The following UGT2A2 variants were observed in gnomAD, a reference collection of about 807,000 sequenced individuals.
UGT2A2 encodes the protein UDP glucuronosyltransferase family 2 member A2.
A neutral mutation model predicts 50.7 loss-of-function variants in UGT2A2; 60 were observed. The observed-to-expected ratio is 1.18, with a 90% CI of 0.96 to 1.47. UGT2A2 has a LOEUF of 1.47. Among genes scored for constraint, UGT2A2 ranks in the 40% most tolerant of loss-of-function variants. The probability of loss-of-function intolerance (pLI) is 0.00; values close to 1 mark genes in which losing one functional copy is unlikely to be tolerated. For synonymous variants in UGT2A2, 242 were observed against 214.6 expected (o/e 1.13, Z -1.11); for missense variants, 762 against 634.0 (o/e 1.20, Z -2.17).
intron 1 of UGT2A2, among the ~76,000 whole-genome samples, chr4:69,636,969 G>A (rs1721745896): frequency 6.6e-6 from 1 of 152,066 alleles, no homozygotes; most frequent in Non-Finnish European, 1.5e-5. Flanking sequence ...GTTACTTTTT[G>A]TATGTCTCTT....
At chr4:69,638,184 G>A (rs557329503) in intron 1 of UGT2A2, among the ~76,000 whole-genome samples, 15 of 152,140 alleles carry the variant, frequency 9.9e-5, no homozygotes, top group African/African-American at 2.6e-4. Flanking sequence ...TTAGTGTCCC[G>A]AGTACTAAGA....
chr4:69,620,463 C>T (rs1720684072), intron 1 of UGT2A2, among the ~76,000 whole-genome samples: 1 of 151,756 alleles, frequency 6.6e-6, no homozygotes, highest in African/African-American at 2.4e-5. Context: ...CAAAACACTG[C>T]TCAAAGAAAT....
intron 1 of UGT2A2, chr4:69,635,639 C>T (rs1721636789): frequency 1.0e-5 from 2 of 199,642 alleles, no homozygotes; most frequent in African/African-American, 2.4e-5. Flanking sequence ...AGACCAGCCT[C>T]GCCAACATGG....
At chr4:69,616,721 A>G (rs557029027) in intron 1 of UGT2A2, among the ~76,000 whole-genome samples, 1 of 152,010 alleles carries the variant, frequency 6.6e-6, no homozygotes, top group South Asian at 2.1e-4. Flanking sequence ...GGGAGATAAG[A>G]AATGGAAAAG....
chr4:69,605,514 A>G (rs1342192662), intron 1 of UGT2A2, among the ~76,000 whole-genome samples: 1 of 136,764 alleles, frequency 7.3e-6, no homozygotes, highest in East Asian at 2.0e-4. Flanking sequence ...TGAAAGAACT[A>G]GAGAAGCAAG....
intron 1 of UGT2A2, among the ~76,000 whole-genome samples, chr4:69,600,820 A>AG (rs375203189): frequency 6.6e-6 from 1 of 151,302 alleles, no homozygotes; most frequent in East Asian, 2.0e-4. Flanking sequence ...AAAAAAAAAA[A>AG]CAGATCTCGT....
rs555876215 is a variant in UGT2A2 at position 69,603,023 on chromosome 4, C to T, written c.743-3629G>A. Among the ~76,000 whole-genome samples, 12 of 134,394 alleles carry T rather than the reference C, an allele frequency of 8.9e-5. 1 individual carries two copies. The South Asian group carries it at 9.7e-4, about 11-fold the overall frequency. The allele number at this position is 134,394 out of a possible 152,430, so 88.2% of individuals were successfully genotyped here. A position where few individuals can be genotyped will look rare whatever the true frequency, so the allele number is the denominator to read the frequency against. ...AGGAGGTTGCAGTGAGCCAAGATCACGCCACTGCAATCCACCCTGGGTGAC... is the reference window on the plus strand; with the variant it reads ...AGGAGGTTGCAGTGAGCCAAGATCATGCCACTGCAATCCACCCTGGGTGAC... On this transcript the variant is annotated intron_variant, in intron 1 of 5. Coordinates refer to ENST00000604629, the MANE Select transcript of UGT2A2 (RefSeq NM_001105677.2).
intron 1 of UGT2A2, among the ~76,000 whole-genome samples, chr4:69,603,321 T>C (rs1420235024): frequency 7.3e-6 from 1 of 136,692 alleles, no homozygotes; most frequent in East Asian, 2.1e-4. Context: ...ACCACTTATG[T>C]AATGAAATTC....
Position 69,594,651 on chromosome 4 carries a change from C to T in UGT2A2, c.1157G>A (p.Gly386Glu), listed in dbSNP as rs1409854105. The part of the protein sequence containing the change: ...KAFITHGGTN[G>E]IYEAIYHGVP... ...TCCGTGGTAAATAGCTTCGTAGATC[C>T]CATTAGTTCCACCATGAGTGATAAA... Residue 386 changes from glycine to glutamate, a missense_variant, in exon 5 of 6, where the codon GGG becomes GAG. Gly to Glu is a moderately conservative substitution (Grantham distance 98). Transcript: ENST00000604629. The T allele has an allele frequency of 6.2e-7, 1 of 1,614,010 alleles. No homozygotes were observed. The highest frequency in any genetic ancestry group is 8.5e-7 in the Non-Finnish European group (1 of 1,179,998).
At chr4:69,599,488 A>T (rs1381476815) in intron 1 of UGT2A2, 94 bp from the exon 2 acceptor site, 12 of 1,552,400 alleles carry the variant, frequency 7.7e-6, no homozygotes, top group Admixed American at 6.5e-5. Flanking sequence ...ATAAGCTGTT[A>T]AGAAAAAACT....
chr4:69,616,238 G>A (rs1226769567), intron 1 of UGT2A2, among the ~76,000 whole-genome samples: 1 of 151,830 alleles, frequency 6.6e-6, no homozygotes, highest in Non-Finnish European at 1.5e-5. Context: ...GAAAGGTCTT[G>A]GGGGGTGGGG....
chr4:69,590,638 AGT>A (rs4148321), intron 5 of UGT2A2, among the ~76,000 whole-genome samples: 33,651 of 150,156 alleles, frequency 0.22, 3,844 homozygotes, highest in Middle Eastern at 0.31. Flanking sequence ...ACATGTGTTG[AGT>A]GTGTGTGTGT....
chr4:69,595,030 A>C, intron 4 of UGT2A2, 132 bp downstream of exon 4: 2 of 1,287,140 alleles, frequency 1.6e-6, no homozygotes, highest in Admixed American at 2.1e-5. Context: ...TTATGTAATT[A>C]TATCTGCTTT....
At chr4:69,615,474 T>A (rs1223024101) in intron 1 of UGT2A2, among the ~76,000 whole-genome samples, 3 of 151,900 alleles carry the variant, frequency 2.0e-5, no homozygotes, top group Non-Finnish European at 2.9e-5. Context: ...CATGTACCCA[T>A]CTGACAAGGG....
intron 3 of UGT2A2, 130 bp from the exon 4 acceptor site, chr4:69,595,379 C>T (rs1016435264): frequency 1.8e-5 from 18 of 983,750 alleles, no homozygotes; most frequent in African/African-American, 1.3e-4. Context: ...AGTTTACAAA[C>T]GTTGAGATAC....
chr4:69,590,695 AG>A (rs1430924316), intron 5 of UGT2A2, among the ~76,000 whole-genome samples: 23 of 151,758 alleles, frequency 1.5e-4, no homozygotes, highest in African/African-American at 5.6e-4. Context: ...AAAGAATATA[AG>A]TAAGTAATTT....
chr4:69,597,293 T>C (rs1360278925), intron 2 of UGT2A2, among the ~76,000 whole-genome samples: 1 of 152,184 alleles, frequency 6.6e-6, no homozygotes, highest in African/African-American at 2.4e-5. Context: ...AGTGCATCTC[T>C]TTCTTCTTGA....
chr4:69,589,321 C>G lies in UGT2A2; in HGVS notation c.*51G>C. On this transcript the variant is annotated 3_prime_UTR_variant, in exon 6 of 6. Coordinates refer to ENST00000604629, the MANE Select transcript of UGT2A2 (RefSeq NM_001105677.2). Reference sequence around the variant, plus strand: ...GTCTGGAATTAATAGGACTACACTACTCAGGATTTTGCCAAACTTAAAAAT... The same window carrying G: ...GTCTGGAATTAATAGGACTACACTAGTCAGGATTTTGCCAAACTTAAAAAT... 1 of 1,516,440 alleles carries G rather than the reference C, an allele frequency of 6.6e-7. No individual in the cohort carries two copies. The highest frequency in any genetic ancestry group is 1.3e-5 in the South Asian group (1 of 75,642). The allele number at this position is 1,516,440 out of a possible 1,614,324, so 93.9% of individuals were successfully genotyped here.
At chr4:69,599,577 G>A in intron 1 of UGT2A2, 183 bp from the exon 2 acceptor site, 1 of 860,876 alleles carries the variant, frequency 1.2e-6, no homozygotes, top group African/African-American at 1.8e-5. Flanking sequence ...AGAAAGGAAG[G>A]AGGAAGGAAG....
Sources: allele counts gnomAD v4.1 joint callset (sites outside exome capture counted in the v4.1 genomes callset), GRCh38; gene constraint gnomAD v4.1.1; transcripts MANE v1.5; gene names NCBI Gene and HGNC (gene_info 2026-07-23, HGNC 2026-07-21).